The following LRRC61 variants were observed in gnomAD, a reference collection of about 807,000 sequenced individuals.
The protein encoded by LRRC61 is leucine rich repeat containing 61.
Under a neutral mutation model 15.1 loss-of-function variants are expected in LRRC61, and 9 were observed. The ratio of observed to expected loss-of-function variants is 0.60; its 90% CI spans 0.36 to 1.04. The LOEUF (loss-of-function observed/expected upper bound fraction) is 1.04. Among genes scored for constraint, LRRC61 ranks in the 50% least tolerant of loss-of-function variants. The probability of loss-of-function intolerance (pLI) is 0.01; values close to 1 mark genes in which losing one functional copy is unlikely to be tolerated. For missense variants in LRRC61, 344 were observed against 335.6 expected (o/e 1.03, Z -0.20); for synonymous variants, 173 against 158.6 (o/e 1.09, Z -0.68).
Position 150,337,119 on chromosome 7 carries a change from G to A in LRRC61, c.258G>A (p.Arg86=). Residue 86 remains arginine (R), a synonymous_variant, in exon 3 of 3, where the codon CGG becomes CGA. Coordinates refer to ENST00000359623, the MANE Select transcript of LRRC61 (RefSeq NM_001142928.2). ...CTGTGCTCAATGTCTCCAACAATCG[G>A]CTGACGGGCCTGGAGCCACTGGCCA... ...QLAVLNVSNN[R]LTGLEPLATC... 1 of 1,612,114 alleles carries A rather than the reference G, an allele frequency of 6.2e-7. No homozygotes were observed. The highest frequency in any genetic ancestry group is 1.3e-5 in the African/African-American group (1 of 75,064).
At chr7:150,336,248 T>C (rs1427849623) in intron 2 of LRRC61, among the ~76,000 whole-genome samples, 1 of 152,156 alleles carries the variant, frequency 6.6e-6, no homozygotes, top group African/African-American at 2.4e-5. Context: ...TAATACTGAG[T>C]GAATCAAACA....
chr7:150,330,986 C>G lies in LRRC61; in HGVS notation c.-145+4976C>G. The stretch of plus-strand genomic sequence containing the variant: ...CCACCAAGAGCCACTGGGCCAGCAT[C>G]ATTGTCAAGAAGTATCTGTGGGAGA... On this transcript the variant is annotated intron_variant, in intron 2 of 2. Coordinates refer to ENST00000359623, the MANE Select transcript of LRRC61 (RefSeq NM_001142928.2). The surrounding 1 kb of genome is among the most constrained non-coding windows in gnomAD (Gnocchi z 4.6). 1 of 1,612,004 alleles carries G rather than the reference C, an allele frequency of 6.2e-7. No homozygotes were observed. Among genetic ancestry groups the G allele is most frequent in the Non-Finnish European group, 8.5e-7 (1 of 1,179,988 alleles).
chr7:150,323,168 G>A (rs555919463), upstream of LRRC61: 52 of 213,742 alleles, frequency 2.4e-4, no homozygotes, highest in East Asian at 9.2e-3. Context: ...TTCGCTTCCG[G>A]CCGCACCGCC....
At chr7:150,328,378 TA>T (rs1798008721) in intron 2 of LRRC61, among the ~76,000 whole-genome samples, 1 of 152,152 alleles carries the variant, frequency 6.6e-6, no homozygotes, top group Non-Finnish European at 1.5e-5. Flanking sequence ...AAAAAGTTTG[TA>T]AACAATAAAA....
intron 2 of LRRC61, chr7:150,331,020 G>A (rs370437244): frequency 2.0e-5 from 32 of 1,611,542 alleles, no homozygotes; most frequent in Middle Eastern, 1.6e-4. Flanking sequence ...GAATGAGACC[G>A]TTGGAGCCCA....
chr7:150,323,712 C>A, intron 1 of LRRC61, 152 bp downstream of exon 1: 1 of 455,640 alleles, frequency 2.2e-6, no homozygotes, highest in South Asian at 1.5e-5. Context: ...AGCCCTTACC[C>A]ATCTCTCCCT....
At position 150,333,036 on chromosome 7, in the gene LRRC61, C is replaced by A. The variant is rs540298948; in HGVS notation, c.-144-3682C>A. Among the ~76,000 whole-genome samples, 72 of 152,336 alleles carry A rather than the reference C, an allele frequency of 4.7e-4. No individual in the cohort carries two copies. The highest frequency in any genetic ancestry group is 8.4e-4 in the Non-Finnish European group (57 of 68,032). ...GCCTTGGGCAGCGTGCGTGACTGTG[C>A]TTCCATCCTTGAGCAGTTGGAACTG... On this transcript the variant is annotated intron_variant, in intron 2 of 2. Coordinates refer to ENST00000359623, the MANE Select transcript of LRRC61 (RefSeq NM_001142928.2). The surrounding 1 kb of genome is among the most constrained non-coding windows in gnomAD (Gnocchi z 4.3).
chr7:150,312,939 G>A, the LRRC61 span, among the ~76,000 whole-genome samples: 2 of 152,148 alleles, frequency 1.3e-5, no homozygotes, highest in African/African-American at 4.8e-5. Flanking sequence ...AAGTGAAACA[G>A]CCAGCTCCCG....
At chr7:150,313,291 A>C in the LRRC61 span, among the ~76,000 whole-genome samples, 3 of 152,214 alleles carry the variant, frequency 2.0e-5, no homozygotes, top group Admixed American at 6.5e-5. Flanking sequence ...GTGACAGTTC[A>C]GAAAGGTGGG....
At chr7:150,311,544 G>A in the LRRC61 span, among the ~76,000 whole-genome samples, 1 of 152,144 alleles carries the variant, frequency 6.6e-6, no homozygotes, top group Non-Finnish European at 1.5e-5. Flanking sequence ...AACCCCAACA[G>A]TAACTATTGC....
Position 150,330,891 on chromosome 7 carries a change from GC to G in LRRC61, c.-145+4884del, listed in dbSNP as rs1297034156. The stretch of plus-strand genomic sequence containing the variant: ...CAGCCACTCTGGGGCCTTCCTGCTG[GC>G]CCAGAGGGAGAAGGGCTTGCTGGAG... On this transcript the variant is annotated intron_variant, in intron 2 of 2. Coordinates refer to ENST00000359623, the MANE Select transcript of LRRC61 (RefSeq NM_001142928.2). The surrounding 1 kb of genome is among the most constrained non-coding windows in gnomAD (Gnocchi z 4.6). 6.2e-7 allele frequency: 1 copy of G among 1,611,702 alleles called. No homozygotes were observed. The highest frequency in any genetic ancestry group is 8.5e-7 in the Non-Finnish European group (1 of 1,178,892).
chr7:150,311,708 T>C, the LRRC61 span, among the ~76,000 whole-genome samples: 9 of 152,228 alleles, frequency 5.9e-5, no homozygotes, highest in South Asian at 2.1e-4. Context: ...AGTTTATTGA[T>C]GGCAGTTCCT....
intron 2 of LRRC61, chr7:150,332,011 C>G (rs554512620): frequency 2.4e-5 from 4 of 167,246 alleles, no homozygotes; most frequent in African/African-American, 9.6e-5. Flanking sequence ...TTCCAGACTA[C>G]TGGAAACGTT....
At chr7:150,315,364 G>A in the LRRC61 span, among the ~76,000 whole-genome samples, 5 of 152,040 alleles carry the variant, frequency 3.3e-5, no homozygotes, top group Non-Finnish European at 7.4e-5. Flanking sequence ...CCATATACCT[G>A]GAAGAGGATA....
At position 150,336,711 on chromosome 7, in the gene LRRC61, T is replaced by C; in HGVS notation, c.-144-7T>C. 3 of 1,004,792 alleles carry C rather than the reference T, an allele frequency of 3.0e-6. No homozygotes were observed. Among genetic ancestry groups the C allele is most frequent in the Non-Finnish European group, 4.4e-6 (3 of 688,874 alleles). 62.2% of individuals were successfully genotyped at this position (1,004,792 alleles called of 1,614,324 possible). ...GTGCTGCCTGCTGACTGACTGTCTC[T>C]CCTCAGGGACTGGCTGGCTTCGAGC... is the stretch of plus-strand genomic sequence containing the variant. On this transcript the variant is annotated splice_region_variant and splice_polypyrimidine_tract_variant and intron_variant, in intron 2 of 2. Transcript: ENST00000359623.
At chr7:150,327,735 G>A (rs752749286) in intron 2 of LRRC61, among the ~76,000 whole-genome samples, 6 of 150,620 alleles carry the variant, frequency 4.0e-5, no homozygotes, top group African/African-American at 9.8e-5. Flanking sequence ...TGGGAGGATC[G>A]CTTAAGCCTG....
intron 2 of LRRC61, chr7:150,329,685 A>C (rs1486969324): frequency 6.6e-6 from 1 of 152,212 alleles, no homozygotes; most frequent in African/African-American, 2.4e-5. Flanking sequence ...CAGCATGGGA[A>C]ATATTATGAT....
the LRRC61 span, among the ~76,000 whole-genome samples, chr7:150,316,867 T>G: frequency 6.6e-6 from 1 of 152,204 alleles, no homozygotes; most frequent in Admixed American, 6.5e-5. Flanking sequence ...AGAACCGATA[T>G]CTTTTAGATA....
chr7:150,318,978 C>T (rs1490125508), upstream of LRRC61, among the ~76,000 whole-genome samples: 1 of 152,118 alleles, frequency 6.6e-6, no homozygotes, highest in Non-Finnish European at 1.5e-5. Context: ...CATTTTCAAA[C>T]AAGTTTCCCA....
Sources: allele counts gnomAD v4.1 joint callset (sites outside exome capture counted in the v4.1 genomes callset), GRCh38; gene constraint gnomAD v4.1.1; non-coding constraint Gnocchi (gnomAD v3.1); transcripts MANE v1.5; gene names NCBI Gene and HGNC (gene_info 2026-07-23, HGNC 2026-07-21).